The following EBF3 variants were observed in gnomAD, a reference collection of about 807,000 sequenced individuals.
EBF3 encodes EBF transcription factor 3, also known as transcription factor COE3.
In EBF3, 18 loss-of-function variants were observed where a neutral mutation model predicts 77.1. The observed-to-expected ratio is 0.23, with a 90% CI of 0.16 to 0.35. The LOEUF (loss-of-function observed/expected upper bound fraction) is 0.35. Among genes scored for constraint, EBF3 ranks in the 10% least tolerant of loss-of-function variants. The probability of loss-of-function intolerance (pLI) is 1.00; values close to 1 mark genes in which losing one functional copy is unlikely to be tolerated. For missense variants in EBF3, 558 were observed against 860.0 expected (o/e 0.65, Z 4.39); for synonymous variants, 350 against 343.5 (o/e 1.02, Z -0.21).
intron 6 of EBF3, among the ~76,000 whole-genome samples, chr10:129,937,355 GT>G (rs1409159229): frequency 6.6e-6 from 1 of 152,128 alleles, no homozygotes; most frequent in African/African-American, 2.4e-5. Context: ...CCTTCCCTGG[GT>G]GACCCTGAGT....
intron 8 of EBF3, among the ~76,000 whole-genome samples, chr10:129,869,837 G>C (rs1483087791): frequency 6.6e-6 from 1 of 152,190 alleles, no homozygotes. Flanking sequence ...ATGCTAATAA[G>C]TTCATACAAA....
In EBF3 at chr10:129,863,251, G is replaced by T. The variant is rs1033467179; in HGVS notation, c.1039+3890C>A. Among the ~76,000 whole-genome samples, 1 of 152,198 alleles carries T rather than the reference G, an allele frequency of 6.6e-6. No homozygotes were observed. On this transcript the variant is annotated intron_variant, in intron 10 of 16. Coordinates refer to ENST00000440978, the MANE Select transcript of EBF3 (RefSeq NM_001375380.1). This position sits in a 1 kb window ranked among gnomAD's most constrained non-coding sequence, Gnocchi z 4.0. Reference sequence around the variant, plus strand: ...GAATACAAAGAACCAGTATGGAAGCGCTGGACATGTCATTTGTGACTCATT... The same window carrying T: ...GAATACAAAGAACCAGTATGGAAGCTCTGGACATGTCATTTGTGACTCATT...
At chr10:129,894,082 A>G (rs528023272) in intron 6 of EBF3, among the ~76,000 whole-genome samples, 2 of 152,248 alleles carry the variant, frequency 1.3e-5, no homozygotes, top group East Asian at 3.9e-4. Context: ...CCTGCTCCCC[A>G]GTCCTGTTCC....
chr10:129,957,142 G>A (rs1859099331), intron 6 of EBF3, 116 bp downstream of exon 6: 2 of 893,064 alleles, frequency 2.2e-6, no homozygotes, highest in South Asian at 3.4e-5. Flanking sequence ...ATGGTGCAAT[G>A]CACAAGATGG....
At position 129,899,780 on chromosome 10, in the gene EBF3, A is replaced by G. The variant is rs148109104; in HGVS notation, c.555-21931T>C. 5.3e-3 allele frequency among the ~76,000 whole-genome samples: 800 copies of G among 152,296 alleles called. 5 individuals are homozygous for G. Among genetic ancestry groups the G allele is most frequent in the African/African-American group, 0.017 (725 of 41,554 alleles). ...TATGCTGGAACCCGGCCCTGCATCT[A>G]CATTCTCCTCTTCGCTGATAGCCAG... On this transcript the variant is annotated intron_variant, in intron 6 of 16. Transcript: ENST00000440978.
At chr10:129,838,100 G>A (rs1008580609) in intron 16 of EBF3, 140 bp from the exon 17 acceptor site, 12 of 1,017,910 alleles carry the variant, frequency 1.2e-5, no homozygotes, top group East Asian at 7.8e-5. Context: ...AGCCTCGGGC[G>A]TGGTTAGGGC....
At chr10:129,945,357 G>A (rs183530632) in intron 6 of EBF3, among the ~76,000 whole-genome samples, 74 of 152,236 alleles carry the variant, frequency 4.9e-4, no homozygotes, top group African/African-American at 1.5e-3. Flanking sequence ...AACCCTAACC[G>A]ATTGCGATGG....
chr10:129,844,394 A>G (rs1850307464), intron 11 of EBF3, among the ~76,000 whole-genome samples: 1 of 152,198 alleles, frequency 6.6e-6, no homozygotes, highest in African/African-American at 2.4e-5. Context: ...CAGACACACC[A>G]GCTTATGATT....
rs1855307073 is a variant in EBF3 at position 129,908,627 on chromosome 10, CGCTGGCCCA to C, written c.555-30787_555-30779del. ...AAGCCAGTGTCGGCGCAGCCACCGC[CGCTGGCCCA>C]GCTAATTGATAAGCCGCGTTGCAGT... On this transcript the variant is annotated intron_variant, in intron 6 of 16. Transcript: ENST00000440978. Among the ~76,000 whole-genome samples, 3 of 152,330 alleles carry C rather than the reference CGCTGGCCCA, an allele frequency of 2.0e-5. No homozygotes were observed. In the South Asian group the frequency reaches 6.2e-4, roughly 32 times the overall value.
At chr10:129,840,556 C>T (rs1849958647) in intron 14 of EBF3, 114 bp from the exon 15 acceptor site, 9 of 1,230,020 alleles carry the variant, frequency 7.3e-6, no homozygotes, top group Middle Eastern at 2.7e-4. Flanking sequence ...CAAAACATGA[C>T]ATGCGTCTGG....
intron 6 of EBF3, among the ~76,000 whole-genome samples, chr10:129,878,078 T>C (rs1471588087): frequency 6.6e-6 from 1 of 152,094 alleles, no homozygotes; most frequent in African/African-American, 2.4e-5. Context: ...GCTGTGGGTG[T>C]CCAAGCTTTA....
At chr10:129,883,585 G>C (rs1853359218) in intron 6 of EBF3, among the ~76,000 whole-genome samples, 1 of 152,208 alleles carries the variant, frequency 6.6e-6, no homozygotes, top group Admixed American at 6.5e-5. Context: ...GGAGGTGACA[G>C]CTTCCAGAGG....
chr10:129,874,897 G>T (rs1320259829), intron 7 of EBF3, among the ~76,000 whole-genome samples: 1 of 152,208 alleles, frequency 6.6e-6, no homozygotes, highest in African/African-American at 2.4e-5. Context: ...GGAATCCCCT[G>T]CACCAGCATA....
In EBF3 at chr10:129,860,826, T is replaced by A. The variant is rs201461458; in HGVS notation, c.1039+6315A>T. On this transcript the variant is annotated intron_variant, in intron 10 of 16. Coordinates refer to ENST00000440978, the MANE Select transcript of EBF3 (RefSeq NM_001375380.1). ...TTTTTAACATGTTGATGCATGCCTA[T>A]GATCCCACTGGAGGAGCAGAAAAGT... 1.3e-4 allele frequency among the ~76,000 whole-genome samples: 20 copies of A among 152,344 alleles called. No individual in the cohort carries two copies. In the East Asian group the frequency reaches 3.9e-3, roughly 29 times the overall value.
intron 6 of EBF3, among the ~76,000 whole-genome samples, chr10:129,934,966 C>T (rs1410938079): frequency 6.6e-6 from 1 of 152,156 alleles, no homozygotes; most frequent in Non-Finnish European, 1.5e-5. Context: ...AGATGGTGAG[C>T]TCACCTTGAA....
chr10:129,909,297 A>G (rs557313442), intron 6 of EBF3, among the ~76,000 whole-genome samples: 1 of 152,306 alleles, frequency 6.6e-6, no homozygotes, highest in African/African-American at 2.4e-5. Context: ...GGGGATCCCC[A>G]GCCTCCCACC....
chr10:129,837,539 AT>A lies in EBF3; in HGVS notation c.*403del. 2 of 196,612 alleles carry A rather than the reference AT, an allele frequency of 1.0e-5. No homozygotes were observed. The highest frequency in any genetic ancestry group is 1.0e-5 in the Non-Finnish European group (1 of 96,064). The allele number at this position is 196,612 out of a possible 1,614,324, so 12.2% of individuals were successfully genotyped here. ...TGAGTACAGAAAAATGTTTGGAGGC[AT>A]TTTTCATCAGCGTTTCATGATCATC... On this transcript the variant is annotated 3_prime_UTR_variant, in exon 17 of 17. Transcript: ENST00000440978.
intron 6 of EBF3, among the ~76,000 whole-genome samples, chr10:129,924,827 T>A (rs1465080466): frequency 6.6e-6 from 1 of 152,082 alleles, no homozygotes; most frequent in African/African-American, 2.4e-5. Flanking sequence ...CCACCACGCC[T>A]GGCTAATTTA....
At chr10:129,904,781 A>G (rs1855025356) in intron 6 of EBF3, among the ~76,000 whole-genome samples, 1 of 152,222 alleles carries the variant, frequency 6.6e-6, no homozygotes, top group Non-Finnish European at 1.5e-5. Context: ...TATTTTAATC[A>G]CCTCAACTCA....
Sources: gnomAD v4.1 joint callset for allele counts (sites outside exome capture counted in the v4.1 genomes callset) on GRCh38, gnomAD v4.1.1 for gene constraint, Gnocchi (gnomAD v3.1) non-coding constraint, MANE v1.5 for transcripts, NCBI Gene and HGNC (gene_info 2026-07-23, HGNC 2026-07-21) for gene names.